PLIN5: variants seen among roughly 807,000 people sequenced by gnomAD.
PLIN5 encodes perilipin 5, also known as perilipin-5.
In PLIN5, 34 loss-of-function variants were observed where a neutral mutation model predicts 32.8. The ratio of observed to expected loss-of-function variants is 1.04; its 90% CI spans 0.79 to 1.38. PLIN5 has a LOEUF of 1.38. PLIN5 is among the 40% of genes most tolerant of loss of function. The pLI, the probability that PLIN5 is intolerant of heterozygous loss-of-function variation, is 0.00. For synonymous variants in PLIN5, 309 were observed against 292.9 expected (o/e 1.05, Z -0.56); for missense variants, 712 against 660.5 (o/e 1.08, Z -0.85).
rs536989939 is a variant in PLIN5 at position 4,523,891 on chromosome 19, C to T, written c.1029G>A (p.Ala343=). 2.6e-6 allele frequency: 4 copies of T among 1,515,042 alleles called. No individual in the cohort carries two copies. Among genetic ancestry groups the T allele is most frequent in the South Asian group, 1.2e-5 (1 of 80,108 alleles). The allele number at this position is 1,515,042 out of a possible 1,614,324, so 93.8% of individuals were successfully genotyped here. Residue 343 remains alanine (A), a synonymous_variant, in exon 8 of 8, where the codon GCG becomes GCA. Transcript: ENST00000381848. This position sits in a 1 kb window ranked among gnomAD's most constrained non-coding sequence, Gnocchi z 5.0. ...CCACGCGACCCCGGCCCTCGGCCAG[C>T]GCGGCCGCTGGCACGTCCCTGAAGC... ...ARCFRDVPAA[A]LAEGRGRVAH...
At chr19:4,534,740 C>G (rs1976926597) in intron 1 of PLIN5, among the ~76,000 whole-genome samples, 1 of 152,122 alleles carries the variant, frequency 6.6e-6, no homozygotes, top group Non-Finnish European at 1.5e-5. Context: ...TGTGGGAGGT[C>G]CCTGCTACCC....
intron 5 of PLIN5, among the ~76,000 whole-genome samples, chr19:4,526,483 C>A (rs367908089): frequency 6.6e-6 from 1 of 152,258 alleles, no homozygotes; most frequent in East Asian, 1.9e-4. Context: ...GGCCTCCTAA[C>A]GTGCTGTGTT....
chr19:4,525,914 A>G lies in PLIN5; in HGVS notation c.521-82T>C, dbSNP rs1362139951. The G allele has an allele frequency of 7.4e-6, 4 of 538,140 alleles. No homozygotes were observed. The highest frequency in any genetic ancestry group is 3.2e-5 in the Admixed American group (1 of 31,636). The allele number at this position is 538,140 out of a possible 1,614,324, so 33.3% of individuals were successfully genotyped here. On this transcript the variant is annotated intron_variant, in intron 5 of 7. Transcript: ENST00000381848. This position sits in a 1 kb window ranked among gnomAD's most constrained non-coding sequence, Gnocchi z 5.6. ...CAGGATACGGGGACAGCACGGGGAC[A>G]GGATACGGGGACAGCACGGGGACAG...
Position 4,531,770 on chromosome 19 carries a change from G to A in PLIN5, c.113C>T (p.Ala38Val), listed in dbSNP as rs370675802. 1.0e-5 allele frequency: 16 copies of A among 1,595,462 alleles called. No individual in the cohort carries two copies. The highest frequency in any genetic ancestry group is 8.0e-5 in the African/African-American group (6 of 74,554). The change falls in exon 3 of 8, where the codon GCG becomes GTG. Residue 38 changes from alanine to valine, a missense_variant. Coordinates refer to ENST00000381848, the MANE Select transcript of PLIN5 (RefSeq NM_001013706.3). Reference sequence around the variant, plus strand: ...GGCTGCACTGTAAACATCGCAGACCGCGGTGCACGTGGCCCTGACCAGGGG... The same window carrying A: ...GGCTGCACTGTAAACATCGCAGACCACGGTGCACGTGGCCCTGACCAGGGG... ...ALPLVRATCTAVCDVYSAAKD... is the reference protein window; with the variant it reads ...ALPLVRATCTVVCDVYSAAKD...
intron 2 of PLIN5, 81 bp downstream of exon 2, chr19:4,533,934 T>C (rs760695153): frequency 4.7e-6 from 7 of 1,474,310 alleles, no homozygotes; most frequent in South Asian, 2.4e-5. Context: ...TGGGGCGGGA[T>C]ACCTGGCCTG....
In PLIN5 at chr19:4,531,304, TAA is replaced by T. The variant is rs78981214; in HGVS notation, c.256+321_256+322del. 2.2e-4 allele frequency among the ~76,000 whole-genome samples: 33 copies of T among 149,732 alleles called. 1 individual carries two copies. Among genetic ancestry groups the T allele is most frequent in the African/African-American group, 7.3e-4 (29 of 39,852 alleles). On this transcript the variant is annotated intron_variant, in intron 3 of 7. Transcript: ENST00000381848. ...ATGAGCCACCACACCCAGCCAGATT[TAA>T]AAAAAAAATTTTTTTTTTGAGATAC...
rs889235247 is a variant in PLIN5, at chr19:4,522,981, C to G, written c.*547G>C. The G allele has an allele frequency of 6.6e-6, 1 of 152,422 alleles. No homozygotes were observed. The highest frequency in any genetic ancestry group is 6.5e-5 in the Admixed American group (1 of 15,298). 9.4% of individuals were successfully genotyped at this position (152,422 alleles called of 1,614,324 possible). Reference sequence around the variant, plus strand: ...AGGCTGGTGTGCAGTGGCGCGATCTCTGCTCACTGCAAGCTCCGCGCCTCT... The same window carrying G: ...AGGCTGGTGTGCAGTGGCGCGATCTGTGCTCACTGCAAGCTCCGCGCCTCT... On this transcript the variant is annotated 3_prime_UTR_variant, in exon 8 of 8. Coordinates refer to ENST00000381848, the MANE Select transcript of PLIN5 (RefSeq NM_001013706.3).
At position 4,529,131 on chromosome 19, in the gene PLIN5, T is replaced by A. The variant is rs1976845161; in HGVS notation, c.462A>T (p.Val154=). 6.2e-7 allele frequency: 1 copy of A among 1,613,490 alleles called. No individual in the cohort carries two copies. The highest frequency in any genetic ancestry group is 8.5e-7 in the Non-Finnish European group (1 of 1,179,984). The change falls in exon 5 of 8, where the codon GTA becomes GTT. Residue 154 remains valine, a synonymous_variant. Transcript: ENST00000381848. ...KRSVSHAVDV[V]LEKSEELVDH... ...CCACCAGCTCCTCTGATTTTTCCAG[T>A]ACAACATCCACAGCATGGCTCACGG...
chr19:4,529,285 C>T (rs1318708888), intron 4 of PLIN5, 32 bp from the exon 5 acceptor site: 6 of 1,557,380 alleles, frequency 3.9e-6, no homozygotes, highest in Admixed American at 1.9e-5. Flanking sequence ...CTCCAGGCAC[C>T]GTGGGACTCC....
In PLIN5 at chr19:4,531,654, G is replaced by T. The variant is rs1354903179; in HGVS notation, c.229C>A (p.Pro77Thr). 6.5e-7 allele frequency: 1 copy of T among 1,533,306 alleles called. No individual in the cohort carries two copies. The highest frequency in any genetic ancestry group is 1.4e-5 in the African/African-American group (1 of 73,008). The allele number at this position is 1,533,306 out of a possible 1,614,324, so 95.0% of individuals were successfully genotyped here. The change falls in exon 3 of 8, where the codon CCG (proline) becomes ACG (threonine). Residue 77 changes from proline to threonine, a missense_variant. Pro to Thr is a conservative substitution (Grantham distance 38, BLOSUM62 -1). Transcript: ENST00000381848. ...LTTRALDHAQ[P>T]LLEHLQPQLA... ...TGGGGCTGCAGGTGCTCGAGCAGCG[G>T]CTGGGCGTGGTCCAGGGCACGGGTG...
rs551353830 is a variant in PLIN5 at position 4,523,905 on chromosome 19, C to T, written c.1015G>A (p.Val339Met). The change falls in exon 8 of 8, where the codon GTG (valine) becomes ATG (methionine). Residue 339 changes from valine to methionine, a missense_variant. Physicochemically the swap from Val to Met is conservative, Grantham distance 21. Coordinates refer to ENST00000381848, the MANE Select transcript of PLIN5 (RefSeq NM_001013706.3). This position sits in a 1 kb window ranked among gnomAD's most constrained non-coding sequence, Gnocchi z 5.0. ...AFADARCFRD[V>M]PAAALAEGRG... The stretch of plus-strand genomic sequence containing the variant: ...CCCTCGGCCAGCGCGGCCGCTGGCA[C>T]GTCCCTGAAGCAGCGGGCATCAGCG... 101 of 1,520,304 alleles carry T rather than the reference C, an allele frequency of 6.6e-5. No homozygotes were observed. In the African/African-American group the frequency reaches 1.0e-3, roughly 16 times the overall value. The allele number at this position is 1,520,304 out of a possible 1,614,324, so 94.2% of individuals were successfully genotyped here.
At chr19:4,529,523 CATATACAT>C (rs1568245194) in intron 4 of PLIN5, 1 of 502,226 alleles carries the variant, frequency 2.0e-6, no homozygotes, top group Non-Finnish European at 3.5e-6. Flanking sequence ...TATATATACA[CATATACAT>C]ATATACTTAT....
chr19:4,523,990 G>A lies in PLIN5; in HGVS notation c.930C>T (p.Ala310=), dbSNP rs186412345. ...ALESSVRGLP[A]GAQEKVAEVR... Reference sequence around the variant, plus strand: ...CCTCAGCCACCTTCTCCTGGGCGCCGGCGGGCAGGCCCCGCACGCTGGACT... The same window carrying A: ...CCTCAGCCACCTTCTCCTGGGCGCCAGCGGGCAGGCCCCGCACGCTGGACT... Residue 310 remains alanine (A), a synonymous_variant, in exon 8 of 8, where the codon GCC becomes GCT. Transcript: ENST00000381848. The surrounding 1 kb of genome is among the most constrained non-coding windows in gnomAD (Gnocchi z 5.0). 3.5e-3 allele frequency: 5,373 copies of A among 1,524,700 alleles called. 14 individuals are homozygous for A. The highest frequency in any genetic ancestry group is 4.6e-3 in the Admixed American group (232 of 49,922). The allele number at this position is 1,524,700 out of a possible 1,614,324, so 94.4% of individuals were successfully genotyped here.
At position 4,529,165 on chromosome 19, in the gene PLIN5, AGCT is replaced by A. The variant is rs1976845947; in HGVS notation, c.425_427del (p.Glu142_Leu143delinsVal). On this transcript the variant is annotated inframe_deletion, in exon 5 of 8. Transcript: ENST00000381848. The stretch of plus-strand genomic sequence containing the variant: ...CACAGCATGGCTCACGGAGCGCTTC[AGCT>A]CCACGCTCCAGCGCCGGCCCCTCCG... 2 of 1,613,122 alleles carry A rather than the reference AGCT, an allele frequency of 1.2e-6. No homozygotes were observed. The highest frequency in any genetic ancestry group is 1.7e-5 in the Admixed American group (1 of 59,982).
At position 4,525,633 on chromosome 19, in the gene PLIN5, CAGCTCCAGCG is replaced by C; in HGVS notation, c.710_719del (p.Thr237ArgfsTer2). The C allele has an allele frequency of 1.2e-6, 2 of 1,612,770 alleles. No homozygotes were observed. The highest frequency in any genetic ancestry group is 1.7e-6 in the Non-Finnish European group (2 of 1,179,988). ...GCAGGGGCGGGCAGCGGGCTCTCACCAGCTCCAGCGTCTCCTGCAGCTGGGCCAGGGTGTC... is the reference window on the plus strand; with the variant it reads ...GCAGGGGCGGGCAGCGGGCTCTCACCTCTCCTGCAGCTGGGCCAGGGTGTC... On this transcript the variant is annotated frameshift_variant and splice_region_variant, in exon 6 of 8. Coordinates refer to ENST00000381848, the MANE Select transcript of PLIN5 (RefSeq NM_001013706.3). LOFTEE classifies it high-confidence loss of function. The surrounding 1 kb of genome is among the most constrained non-coding windows in gnomAD (Gnocchi z 5.6).
intron 4 of PLIN5, 172 bp from the exon 5 acceptor site, chr19:4,529,425 G>T (rs1054677280): frequency 3.0e-6 from 2 of 663,780 alleles, no homozygotes; most frequent in East Asian, 5.6e-5. Flanking sequence ...GGGTGTTGAG[G>T]GAGTTAACTG....
At chr19:4,528,233 G>A (rs1158061864) in intron 5 of PLIN5, among the ~76,000 whole-genome samples, 1 of 151,822 alleles carries the variant, frequency 6.6e-6, no homozygotes, top group African/African-American at 2.4e-5. Context: ...CTGCTGAGGT[G>A]GGGGTAAGCC....
At chr19:4,527,497 T>TCACTG (rs1431313534) in intron 5 of PLIN5, among the ~76,000 whole-genome samples, 2 of 119,808 alleles carry the variant, frequency 1.7e-5, no homozygotes, top group Non-Finnish European at 3.2e-5. Context: ...CAAGATCATA[T>TCACTG]CACTGCACTC....
chr19:4,523,994 G>T lies in PLIN5; in HGVS notation c.926C>A (p.Pro309His). The T allele has an allele frequency of 1.3e-6, 2 of 1,524,420 alleles. No homozygotes were observed. Among genetic ancestry groups the T allele is most frequent in the Admixed American group, 4.0e-5 (2 of 49,892 alleles). The allele number at this position is 1,524,420 out of a possible 1,614,324, so 94.4% of individuals were successfully genotyped here. A position where few individuals can be genotyped will look rare whatever the true frequency, so the allele number is the denominator to read the frequency against. Residue 309 changes from proline to histidine, a missense_variant, in exon 8 of 8, where the codon CCC (proline) becomes CAC (histidine). Physicochemically the swap from Pro to His is moderately conservative, Grantham distance 77 (BLOSUM62 -2). Coordinates refer to ENST00000381848, the MANE Select transcript of PLIN5 (RefSeq NM_001013706.3). The surrounding 1 kb of genome is among the most constrained non-coding windows in gnomAD (Gnocchi z 5.0). Reference protein sequence around the residue: ...EALESSVRGLPAGAQEKVAEV... With the variant: ...EALESSVRGLHAGAQEKVAEV... ...AGCCACCTTCTCCTGGGCGCCGGCG[G>T]GCAGGCCCCGCACGCTGGACTCCAG...
Sources: allele counts gnomAD v4.1 joint callset (sites outside exome capture counted in the v4.1 genomes callset), GRCh38; gene constraint gnomAD v4.1.1; non-coding constraint Gnocchi (gnomAD v3.1); transcripts MANE v1.5; gene names NCBI Gene and HGNC (gene_info 2026-07-23, HGNC 2026-07-21).